Variants in PALD1 observed in about 807,000 individuals in gnomAD.
PALD1 encodes the protein paladin.
PALD1 carries 57 observed loss-of-function variants against 96.0 expected under a neutral mutation model. The observed-to-expected ratio is 0.59, with a 90% CI of 0.48 to 0.74. The LOEUF is 0.74. Among genes scored for constraint, PALD1 ranks in the 30% least tolerant of loss-of-function variants. The pLI is 0.00. For synonymous variants in PALD1, 464 were observed against 473.6 expected, an observed-to-expected ratio of 0.98 and a Z score of 0.26; for missense variants, 1,063 against 1,143.7, an observed-to-expected ratio of 0.93 and a Z score of 1.02.
Position 70,550,760 on chromosome 10 carries a change from T to C in PALD1, c.2262+3314T>C, listed in dbSNP as rs191125819. On this transcript the variant is annotated intron_variant, in intron 18 of 19. Coordinates refer to ENST00000263563, the MANE Select transcript of PALD1 (RefSeq NM_014431.3). ...TGTGTCTGGCTTCTTTCACTTAGCA[T>C]AATGTTTGAAGGTTTATCCGTGTTG... 2.7e-3 allele frequency among the ~76,000 whole-genome samples: 405 copies of C among 152,358 alleles called. 6 individuals are homozygous for C. Among genetic ancestry groups the C allele is most frequent in the Admixed American group, 0.02 (305 of 15,310 alleles).
At chr10:70,514,834 G>A (rs1334954387) in intron 1 of PALD1, among the ~76,000 whole-genome samples, 1 of 152,164 alleles carries the variant, frequency 6.6e-6, no homozygotes, top group African/African-American at 2.4e-5. Context: ...CTTTGAGGTG[G>A]GTGGGGTGAG....
At chr10:70,533,792 C>T (rs910476544) in intron 7 of PALD1, 130 bp from the exon 8 acceptor site, 10 of 780,854 alleles carry the variant, frequency 1.3e-5, no homozygotes, top group Non-Finnish European at 1.6e-5. Context: ...GAGGCCAAGA[C>T]ACCTATTGGA....
chr10:70,545,276 T>C (rs1847338505), intron 17 of PALD1, among the ~76,000 whole-genome samples: 1 of 151,894 alleles, frequency 6.6e-6, no homozygotes, highest in African/African-American at 2.4e-5. Context: ...CTGTGCTGAG[T>C]GTAAGAGAGC....
At chr10:70,496,987 T>A (rs1589175121) in intron 1 of PALD1, among the ~76,000 whole-genome samples, 2 of 147,628 alleles carry the variant, frequency 1.4e-5, no homozygotes, top group South Asian at 4.3e-4. Flanking sequence ...GAGTTGGGGG[T>A]AGGGGGGCTT....
chr10:70,550,446 G>A (rs554054350), intron 18 of PALD1, among the ~76,000 whole-genome samples: 9 of 152,142 alleles, frequency 5.9e-5, no homozygotes, highest in African/African-American at 9.7e-5. Flanking sequence ...TGATGCTGGC[G>A]GGGACCACAC....
rs1294642366 is a variant in PALD1 at position 70,540,742 on chromosome 10, G to A, written c.1909-360G>A. 4.6e-5 allele frequency among the ~76,000 whole-genome samples: 7 copies of A among 152,184 alleles called. No homozygotes were observed. The highest frequency in any genetic ancestry group is 1.7e-4 in the African/African-American group (7 of 41,440). Reference sequence around the variant, plus strand: ...GGGACCAGGGCTGGGTCCAGCTCAGGTGGGTGGCAGGGCCAGCAGTCTATG... The same window carrying A: ...GGGACCAGGGCTGGGTCCAGCTCAGATGGGTGGCAGGGCCAGCAGTCTATG... On this transcript the variant is annotated intron_variant, in intron 15 of 19. Transcript: ENST00000263563. The surrounding 1 kb of genome is among the most constrained non-coding windows in gnomAD (Gnocchi z 4.2).
In PALD1 at chr10:70,541,234, C is replaced by A; in HGVS notation, c.2041C>A (p.His681Asn). The A allele has an allele frequency of 6.2e-7, 1 of 1,606,074 alleles. No individual in the cohort carries two copies. Among genetic ancestry groups the A allele is most frequent in the Non-Finnish European group, 8.5e-7 (1 of 1,176,634 alleles). ...GGTGGTGGCTGTCCTGGCCTTCTGG[C>A]ACATCCAAGTACGTGTGGCCTCTCA... Reference protein sequence around the residue: ...AMVVAVLAFWHIQGFPEVGEE... With the variant: ...AMVVAVLAFWNIQGFPEVGEE... The change falls in exon 16 of 20, where the codon CAC becomes AAC. Residue 681 changes from histidine to asparagine, a missense_variant. His to Asn is a moderately conservative substitution (Grantham distance 68, BLOSUM62 1). Coordinates refer to ENST00000263563, the MANE Select transcript of PALD1 (RefSeq NM_014431.3).
chr10:70,516,657 G>A (rs565187792), intron 1 of PALD1, among the ~76,000 whole-genome samples: 1 of 151,864 alleles, frequency 6.6e-6, no homozygotes, highest in African/African-American at 2.4e-5. Context: ...GGGCTCAAGC[G>A]ATCCTCCTGT....
At chr10:70,559,830 T>C (rs1192876093) in intron 18 of PALD1, among the ~76,000 whole-genome samples, 1 of 152,094 alleles carries the variant, frequency 6.6e-6, no homozygotes, top group African/African-American at 2.4e-5. Flanking sequence ...TGCGGAGCAC[T>C]TGAGCTGCTG....
the PALD1 span, among the ~76,000 whole-genome samples, chr10:70,469,763 AGGGTGCACTGACT>A: frequency 5.3e-5 from 8 of 151,996 alleles, no homozygotes; most frequent in Non-Finnish European, 1.0e-4. Flanking sequence ...CAGGTCTGGC[AGGGTGCACTGACT>A]GGCTTCTTAG....
upstream of PALD1, among the ~76,000 whole-genome samples, chr10:70,477,814 C>T (rs1307896922): frequency 6.6e-6 from 1 of 152,164 alleles, no homozygotes; most frequent in Non-Finnish European, 1.5e-5. Flanking sequence ...GGGGGTGAGG[C>T]AGGTGGTAAC....
At chr10:70,467,756 T>A in the PALD1 span, among the ~76,000 whole-genome samples, 1 of 152,118 alleles carries the variant, frequency 6.6e-6, no homozygotes, top group African/African-American at 2.4e-5. Context: ...ATCATGATTC[T>A]GACACAGTAG....
intron 12 of PALD1, 39 bp from the exon 13 acceptor site, chr10:70,538,853 C>A: frequency 1.9e-6 from 3 of 1,552,002 alleles, no homozygotes; most frequent in South Asian, 2.2e-5. Flanking sequence ...CGGCTACAGT[C>A]GGCTGCTGTG....
Position 70,534,433 on chromosome 10 carries a change from C to T in PALD1, c.1031C>T (p.Pro344Leu), listed in dbSNP as rs1847065277. The change falls in exon 9 of 20, where the codon CCC becomes CTC. Residue 344 changes from proline (P) to leucine (L), a missense_variant. By Grantham distance (98) the Pro-to-Leu change is moderately conservative. Coordinates refer to ENST00000263563, the MANE Select transcript of PALD1 (RefSeq NM_014431.3). ...TGACCCTGCCTCGACAGGGCTGCCC[C>T]CACGCAGGCCAAGCCCCTGCCTATG... ...SGTTSQPEAA[P>L]TQAKPLPMEQ... The T allele has an allele frequency of 2.5e-6, 4 of 1,608,694 alleles. No individual in the cohort carries two copies. The Middle Eastern group carries it at 6.6e-4, about 267-fold the overall frequency.
At chr10:70,465,906 G>A in the PALD1 span, among the ~76,000 whole-genome samples, 1 of 152,304 alleles carries the variant, frequency 6.6e-6, no homozygotes, top group South Asian at 2.1e-4. Context: ...TTAACTTACT[G>A]TTAACCTTGG....
At chr10:70,534,896 C>CCAGGTGAGGCATGGAAGGACGTG in intron 10 of PALD1, 53 bp downstream of exon 10, 1 of 1,202,240 alleles carries the variant, frequency 8.3e-7, no homozygotes, top group African/African-American at 1.5e-5. Context: ...GCCCTGCAGC[C>CCAGGTGAGGCATGGAAGGACGTG]TGATTTCATT....
chr10:70,552,249 G>A (rs572988273), intron 18 of PALD1, among the ~76,000 whole-genome samples: 52 of 152,304 alleles, frequency 3.4e-4, no homozygotes, highest in Non-Finnish European at 5.7e-4. Context: ...ATCGCATTCC[G>A]TGTTCACATT....
chr10:70,512,851 C>G (rs539638169), intron 1 of PALD1, among the ~76,000 whole-genome samples: 11 of 152,372 alleles, frequency 7.2e-5, no homozygotes, highest in African/African-American at 2.2e-4. Context: ...CCCTGCTCAC[C>G]TCCTCCAGTG....
chr10:70,523,586 G>A (rs1564695977), intron 1 of PALD1, among the ~76,000 whole-genome samples: 1 of 152,120 alleles, frequency 6.6e-6, no homozygotes, highest in Non-Finnish European at 1.5e-5. Flanking sequence ...CTATTTTTCT[G>A]TTTGGGAACA....
Sources: allele counts gnomAD v4.1 joint callset (sites outside exome capture counted in the v4.1 genomes callset), GRCh38; gene constraint gnomAD v4.1.1; non-coding constraint Gnocchi (gnomAD v3.1); transcripts MANE v1.5; gene names NCBI Gene and HGNC (gene_info 2026-07-23, HGNC 2026-07-21).